The following MARK3 variants were observed in gnomAD, a reference collection of about 807,000 sequenced individuals.
MARK3 encodes microtubule affinity regulating kinase 3, also known as MAP/microtubule affinity-regulating kinase 3.
Under a neutral mutation model 90.1 loss-of-function variants are expected in MARK3, and 46 were observed. The observed-to-expected ratio is 0.51, with a 90% confidence interval of 0.40 to 0.65. The LOEUF (loss-of-function observed/expected upper bound fraction) is 0.65. Ranked by LOEUF, MARK3 falls within the 30% of genes least tolerant of loss-of-function variation. The pLI is 0.00. For missense variants in MARK3, 818 were observed against 947.2 expected (o/e 0.86, Z 1.79); for synonymous variants, 321 against 332.6 (o/e 0.97, Z 0.38).
At chr14:103,395,029 C>T (rs1277034413) in intron 1 of MARK3, among the ~76,000 whole-genome samples, 3 of 152,298 alleles carry the variant, frequency 2.0e-5, no homozygotes, top group Non-Finnish European at 4.4e-5. Flanking sequence ...ATCCACCTGC[C>T]TCGGCCTCCC....
At chr14:103,493,263 T>TTA (rs1394445979) in intron 15 of MARK3, among the ~76,000 whole-genome samples, 2 of 144,888 alleles carry the variant, frequency 1.4e-5, no homozygotes, top group African/African-American at 2.5e-5. Flanking sequence ...TTTTAATTTT[T>TTA]TTTTTTTTTT....
intron 14 of MARK3, 91 bp from the exon 15 acceptor site, chr14:103,491,686 C>A: frequency 1.4e-6 from 2 of 1,404,068 alleles, no homozygotes; most frequent in Non-Finnish European, 1.9e-6. Context: ...TTTTTTATAC[C>A]CGATTTTCTC....
At chr14:103,462,945 A>G (rs1239478452) in intron 7 of MARK3, among the ~76,000 whole-genome samples, 1 of 151,908 alleles carries the variant, frequency 6.6e-6, no homozygotes, top group Non-Finnish European at 1.5e-5. Flanking sequence ...CAGGCCCTCA[A>G]ACCTAGCAGC....
chr14:103,494,399 A>G (rs1409332403), intron 15 of MARK3, among the ~76,000 whole-genome samples: 1 of 150,404 alleles, frequency 6.6e-6, no homozygotes, highest in Non-Finnish European at 1.5e-5. Context: ...TAAAAATACA[A>G]AATTAGCCGG....
intron 5 of MARK3, among the ~76,000 whole-genome samples, chr14:103,455,669 A>G (rs2093261324): frequency 6.7e-6 from 1 of 149,968 alleles, no homozygotes; most frequent in Non-Finnish European, 1.5e-5. Context: ...CAGAGGTTGC[A>G]GTGAGCCAAG....
chr14:103,423,283 G>A (rs890792771), intron 2 of MARK3, among the ~76,000 whole-genome samples: 21 of 143,626 alleles, frequency 1.5e-4, no homozygotes, highest in East Asian at 4.1e-4. Context: ...TCTTTTGACC[G>A]TTGGTGAACC....
At chr14:103,428,319 A>G in intron 2 of MARK3, 68 bp from the exon 3 acceptor site, 1 of 807,488 alleles carries the variant, frequency 1.2e-6, no homozygotes, top group Non-Finnish European at 2.0e-6. Flanking sequence ...AATGCCATAT[A>G]TCTTGGCATT....
At chr14:103,453,665 AT>A (rs2093207685) in intron 5 of MARK3, among the ~76,000 whole-genome samples, 1 of 152,172 alleles carries the variant, frequency 6.6e-6, no homozygotes, top group African/African-American at 2.4e-5. Flanking sequence ...GGGAAGGTTA[AT>A]TTCAGGACCA....
intron 3 of MARK3, among the ~76,000 whole-genome samples, chr14:103,433,114 C>G (rs1444239440): frequency 7.6e-6 from 1 of 132,384 alleles, no homozygotes. Context: ...GAGACAGAGT[C>G]TTGCCCTGTG....
intron 2 of MARK3, among the ~76,000 whole-genome samples, chr14:103,411,640 G>A (rs2091638352): frequency 6.6e-6 from 1 of 150,830 alleles, no homozygotes; most frequent in Non-Finnish European, 1.5e-5. Context: ...TCTTTTTTTG[G>A]TGAGATGGAG....
chr14:103,390,294 C>T (rs1310330938), intron 1 of MARK3, among the ~76,000 whole-genome samples: 1 of 152,146 alleles, frequency 6.6e-6, no homozygotes, highest in Non-Finnish European at 1.5e-5. Flanking sequence ...CTCAAAAGAA[C>T]TACTCAATCT....
chr14:103,389,943 CAA>C lies in MARK3; in HGVS notation c.51+3885_51+3886del, dbSNP rs71126011. ...TGGGCGACAGAGGGATACTCCGTCT[CAA>C]AAAAAAAAAAAAAAAAAAAAAGGCC... On this transcript the variant is annotated intron_variant, in intron 1 of 17. Coordinates refer to ENST00000429436, the MANE Select transcript of MARK3 (RefSeq NM_001128918.3). Among the ~76,000 whole-genome samples, 50 of 29,614 alleles carry C rather than the reference CAA, an allele frequency of 1.7e-3. No individual in the cohort carries two copies. In the East Asian group the frequency reaches 0.063, roughly 37 times the overall value. The allele number at this position is 29,614 out of a possible 152,430, so 19.4% of individuals were successfully genotyped here.
intron 1 of MARK3, among the ~76,000 whole-genome samples, chr14:103,403,327 TGTGTGTG>T (rs1255486791): frequency 0.016 from 4 of 248 alleles, no homozygotes; most frequent in African/African-American, 0.036. Flanking sequence ...AGTGCCTGGT[TGTGTGTG>T]TGTGTGTGTG....
At chr14:103,490,973 C>T (rs899568445) in intron 14 of MARK3, 76 of 1,277,820 alleles carry the variant, frequency 5.9e-5, no homozygotes, top group Middle Eastern at 2.1e-4. Context: ...TGTTCGCTTA[C>T]GCAGCTAGCC....
rs574903775 is a variant in MARK3, at chr14:103,440,557, G to A, written c.298-8362G>A. Among the ~76,000 whole-genome samples, 5 of 152,122 alleles carry A rather than the reference G, an allele frequency of 3.3e-5. No homozygotes were observed. The South Asian group carries it at 6.2e-4, about 19-fold the overall frequency. The stretch of plus-strand genomic sequence containing the variant: ...GGAGGTTGCAGTGAGCTGAGATTGC[G>A]CCACTGCACTCCAGCCTGGCGACAG... On this transcript the variant is annotated intron_variant, in intron 3 of 17. Transcript: ENST00000429436.
intron 13 of MARK3, among the ~76,000 whole-genome samples, chr14:103,477,141 G>A (rs1179709759): frequency 6.6e-6 from 1 of 152,196 alleles, no homozygotes; most frequent in East Asian, 1.9e-4. Flanking sequence ...TAGATGGTCT[G>A]CTCAAGCTGT....
At chr14:103,437,102 A>G (rs1318327069) in intron 3 of MARK3, among the ~76,000 whole-genome samples, 1 of 152,060 alleles carries the variant, frequency 6.6e-6, no homozygotes, top group Non-Finnish European at 1.5e-5. Context: ...AAAAAAAAAA[A>G]AAATTGAGAA....
At chr14:103,474,880 T>C (rs954366353) in intron 12 of MARK3, 113 bp from the exon 13 acceptor site, 2 of 759,388 alleles carry the variant, frequency 2.6e-6, no homozygotes, top group Non-Finnish European at 4.2e-6. Context: ...TTTACTGTTT[T>C]ACATTTTTTA....
chr14:103,476,840 C>G (rs993804590), intron 13 of MARK3, among the ~76,000 whole-genome samples: 1 of 152,110 alleles, frequency 6.6e-6, no homozygotes, highest in Non-Finnish European at 1.5e-5. Flanking sequence ...GAAGTAAACC[C>G]TGTGTGAAAA....
Sources: allele counts gnomAD v4.1 joint callset (sites outside exome capture counted in the v4.1 genomes callset), GRCh38; gene constraint gnomAD v4.1.1; transcripts MANE v1.5; gene names NCBI Gene and HGNC (gene_info 2026-07-23, HGNC 2026-07-21).